The following RIMS3 variants were observed in gnomAD, a reference collection of about 807,000 sequenced individuals.
RIMS3 encodes regulating synaptic membrane exocytosis 3.
Under a neutral mutation model 29.2 loss-of-function variants are expected in RIMS3, and 15 were observed. The ratio of observed to expected loss-of-function variants is 0.51; its 90% CI spans 0.34 to 0.79. The LOEUF is 0.79. RIMS3 is among the 30% of genes least tolerant of loss of function. The pLI is 0.01. For missense variants in RIMS3, 342 were observed against 421.4 expected, an observed-to-expected ratio of 0.81 and a Z score of 1.65; for synonymous variants, 161 against 170.1, an observed-to-expected ratio of 0.95 and a Z score of 0.41.
the RIMS3 span, among the ~76,000 whole-genome samples, chr1:40,685,307 A>AT: frequency 5.7e-5 from 1 of 17,680 alleles, no homozygotes; most frequent in African/African-American, 3.4e-4. Flanking sequence ...TATATATATT[A>AT]ATATATATAA....
At chr1:40,639,565 T>C (rs1305388363) in intron 3 of RIMS3, among the ~76,000 whole-genome samples, 2 of 152,186 alleles carry the variant, frequency 1.3e-5, no homozygotes. Context: ...TTGCATACCC[T>C]ATCTCACTTA....
chr1:40,660,501 C>A lies in RIMS3; in HGVS notation c.-207+4893G>T, dbSNP rs143236767. Reference sequence around the variant, plus strand: ...CAAGCGATCCTCCCACCTCAGCCCCCCAAGCAGCTGGGAATACAGGCAAGC... The same window carrying A: ...CAAGCGATCCTCCCACCTCAGCCCCACAAGCAGCTGGGAATACAGGCAAGC... On this transcript the variant is annotated intron_variant, in intron 1 of 7. Coordinates refer to ENST00000372684, the MANE Select transcript of RIMS3 (RefSeq NM_014747.3). Among the ~76,000 whole-genome samples, 717 of 152,008 alleles carry A rather than the reference C, an allele frequency of 4.7e-3. 6 individuals carry two copies. The highest frequency in any genetic ancestry group is 0.017 in the African/African-American group (691 of 41,428).
intron 5 of RIMS3, among the ~76,000 whole-genome samples, chr1:40,632,564 T>C (rs1174871068): frequency 2.0e-5 from 3 of 151,410 alleles, no homozygotes; most frequent in Non-Finnish European, 4.4e-5. Flanking sequence ...TTCCTTTGCA[T>C]GGATTCAGGG....
chr1:40,632,461 T>TGC (rs1646495749), intron 5 of RIMS3, among the ~76,000 whole-genome samples: 2 of 114,950 alleles, frequency 1.7e-5, no homozygotes, highest in African/African-American at 3.3e-5. Context: ...TATATATATA[T>TGC]ATGCCATCTA....
Position 40,623,774 on chromosome 1 carries a change from C to G in RIMS3, c.*2743G>C, listed in dbSNP as rs1646436657. 5.4e-6 allele frequency: 2 copies of G among 370,884 alleles called. No homozygotes were observed. The highest frequency in any genetic ancestry group is 2.1e-5 in the African/African-American group (1 of 48,050). 23.0% of individuals were successfully genotyped at this position (370,884 alleles called of 1,614,324 possible). ...GCTAGGTCCAGAGTGGCTTTTCAGA[C>G]AAGCCCCTGCATCCATGATGCTGAG... On this transcript the variant is annotated 3_prime_UTR_variant, in exon 8 of 8. Coordinates refer to ENST00000372684, the MANE Select transcript of RIMS3 (RefSeq NM_014747.3).
In RIMS3 at chr1:40,629,424, C is replaced by T. The variant is rs141359593; in HGVS notation, c.473-52G>A. On this transcript the variant is annotated intron_variant, in intron 5 of 7. Coordinates refer to ENST00000372684, the MANE Select transcript of RIMS3 (RefSeq NM_014747.3). Reference sequence around the variant, plus strand: ...GGCAGGGCCAGACCAAGGGGCAGGCCAGCCAGCTGCTGTACTGAATGCCAG... The same window carrying T: ...GGCAGGGCCAGACCAAGGGGCAGGCTAGCCAGCTGCTGTACTGAATGCCAG... 9.6e-5 allele frequency: 136 copies of T among 1,423,202 alleles called. 3 individuals carry two copies. The African/African-American group carries it at 1.6e-3, about 17-fold the overall frequency. The allele number at this position is 1,423,202 out of a possible 1,614,324, so 88.2% of individuals were successfully genotyped here. A position where few individuals can be genotyped will look rare whatever the true frequency, so the allele number is the denominator to read the frequency against.
the RIMS3 span, among the ~76,000 whole-genome samples, chr1:40,672,434 G>A: frequency 2.6e-5 from 4 of 151,962 alleles, no homozygotes; most frequent in East Asian, 5.8e-4. Context: ...TCCTGACCTC[G>A]TGATCCACCT....
intron 2 of RIMS3, among the ~76,000 whole-genome samples, chr1:40,642,331 A>G (rs1646564028): frequency 6.6e-6 from 1 of 152,244 alleles, no homozygotes; most frequent in South Asian, 2.1e-4. Context: ...CACTTAGCTC[A>G]TAGGATTGTT....
At position 40,620,881 on chromosome 1, in the gene RIMS3, T is replaced by C. The variant is rs1646416793; in HGVS notation, c.*5636A>G. 1 of 152,656 alleles carries C rather than the reference T, an allele frequency of 6.6e-6. No individual in the cohort carries two copies. 9.5% of individuals were successfully genotyped at this position (152,656 alleles called of 1,614,324 possible). On this transcript the variant is annotated 3_prime_UTR_variant, in exon 8 of 8. Coordinates refer to ENST00000372684, the MANE Select transcript of RIMS3 (RefSeq NM_014747.3). ...ACATAGAAAATGTATAGAGCACAGATATAAAAGGCTAATTGCTTCTTATCT... is the reference window on the plus strand; with the variant it reads ...ACATAGAAAATGTATAGAGCACAGACATAAAAGGCTAATTGCTTCTTATCT...
the RIMS3 span, chr1:40,691,152 G>A: frequency 6.6e-6 from 1 of 152,316 alleles, no homozygotes; most frequent in East Asian, 1.9e-4. Context: ...ATTCAAATAA[G>A]AACAACTATG....
In RIMS3 at chr1:40,626,325, TAC is replaced by T. The variant is rs148325884; in HGVS notation, c.*190_*191del. 0.075 allele frequency: 29,777 copies of T among 396,616 alleles called. No individual in the cohort carries two copies. Among genetic ancestry groups the T allele is most frequent in the Middle Eastern group, 0.1 (147 of 1,402 alleles). The allele number at this position is 396,616 out of a possible 1,614,324, so 24.6% of individuals were successfully genotyped here. ...AATGAACAGATAGAACGTGGTCACG[TAC>T]ACACACACACACACGCACGCACACA... is the stretch of plus-strand genomic sequence containing the variant. On this transcript the variant is annotated 3_prime_UTR_variant, in exon 8 of 8. Coordinates refer to ENST00000372684, the MANE Select transcript of RIMS3 (RefSeq NM_014747.3).
rs1053233861 is a variant in RIMS3, at chr1:40,640,806, T to C, written c.217+903A>G. 2.0e-5 allele frequency among the ~76,000 whole-genome samples: 3 copies of C among 152,068 alleles called. 1 individual carries two copies. Among genetic ancestry groups the C allele is most frequent in the Admixed American group, 1.3e-4 (2 of 15,272 alleles). On this transcript the variant is annotated intron_variant, in intron 3 of 7. Transcript: ENST00000372684. ...ATTGATGAGGATGGAGCTGTTAAGG[T>C]GTGTGTGAATGTGGCTTTGTGATGT... is the stretch of plus-strand genomic sequence containing the variant.
the RIMS3 span, among the ~76,000 whole-genome samples, chr1:40,682,035 T>C: frequency 2.0e-5 from 3 of 152,334 alleles, no homozygotes; most frequent in Non-Finnish European, 4.4e-5. Flanking sequence ...AGTTTCACCA[T>C]GTTGGCCATG....
intron 5 of RIMS3, among the ~76,000 whole-genome samples, chr1:40,632,188 C>T (rs1428122857): frequency 6.6e-6 from 1 of 151,848 alleles, no homozygotes; most frequent in East Asian, 1.9e-4. Flanking sequence ...CCAGCTTCTT[C>T]CATATACTTT....
At chr1:40,661,958 C>G (rs1023186617) in intron 1 of RIMS3, among the ~76,000 whole-genome samples, 4 of 152,226 alleles carry the variant, frequency 2.6e-5, no homozygotes, top group Non-Finnish European at 5.9e-5. Flanking sequence ...ACTGGCTGTC[C>G]TCCCTCCTGG....
At chr1:40,662,895 A>G (rs2148363703) in intron 1 of RIMS3, among the ~76,000 whole-genome samples, 1 of 152,172 alleles carries the variant, frequency 6.6e-6, no homozygotes, top group East Asian at 1.9e-4. Flanking sequence ...GGAAGGCATT[A>G]GATTTGAATC....
chr1:40,656,566 C>G (rs571580589), intron 1 of RIMS3, among the ~76,000 whole-genome samples: 5 of 152,042 alleles, frequency 3.3e-5, no homozygotes, highest in Non-Finnish European at 7.4e-5. Context: ...GGTGGATCAA[C>G]TGAGGTCGGG....
intron 6 of RIMS3, 45 bp from the exon 7 acceptor site, chr1:40,628,994 C>A (rs1474273418): frequency 1.2e-6 from 2 of 1,610,594 alleles, no homozygotes; most frequent in Non-Finnish European, 1.7e-6. Flanking sequence ...CCAGGACAGA[C>A]AGCTTTGGCC....
Position 40,623,146 on chromosome 1 carries a change from T to C in RIMS3, c.*3371A>G. 2.9e-6 allele frequency: 1 copy of C among 343,648 alleles called. No individual in the cohort carries two copies. The highest frequency in any genetic ancestry group is 5.2e-6 in the Non-Finnish European group (1 of 191,522). The allele number at this position is 343,648 out of a possible 1,614,324, so 21.3% of individuals were successfully genotyped here. On this transcript the variant is annotated 3_prime_UTR_variant, in exon 8 of 8. Coordinates refer to ENST00000372684, the MANE Select transcript of RIMS3 (RefSeq NM_014747.3). ...TTTCTTGGAGCTCCTGGGTTCTGCC[T>C]CAGCCCCCATGAAATGCTGGCATTG... is the stretch of plus-strand genomic sequence containing the variant.
Sources: gnomAD v4.1 joint callset for allele counts (sites outside exome capture counted in the v4.1 genomes callset) on GRCh38, gnomAD v4.1.1 for gene constraint, MANE v1.5 for transcripts, NCBI Gene and HGNC (gene_info 2026-07-23, HGNC 2026-07-21) for gene names.